The following DDX60 variants were observed in gnomAD, a reference collection of about 807,000 sequenced individuals.
DDX60 encodes probable ATP-dependent RNA helicase DDX60.
In DDX60, 165 loss-of-function variants were observed where a neutral mutation model predicts 212.8. The ratio of observed to expected loss-of-function variants is 0.78; its 90% CI spans 0.68 to 0.88. DDX60 has a LOEUF of 0.88. Among genes scored for constraint, DDX60 ranks in the 40% least tolerant of loss-of-function variants. The probability of loss-of-function intolerance (pLI) is 0.00; values close to 1 mark genes in which losing one functional copy is unlikely to be tolerated. For synonymous variants in DDX60, 703 were observed against 685.3 expected (o/e 1.03, Z -0.40); for missense variants, 1,905 against 2,003.9 (o/e 0.95, Z 0.94).
chr4:168,246,698 T>C (rs779431878), intron 29 of DDX60, 80 bp from the exon 30 acceptor site: 16 of 1,440,696 alleles, frequency 1.1e-5, no homozygotes, highest in Non-Finnish European at 1.5e-5. Flanking sequence ...CCCTTTACTC[T>C]GGTTTGGAGC....
At chr4:168,241,910 A>G (rs1733853405) in intron 30 of DDX60, among the ~76,000 whole-genome samples, 1 of 152,100 alleles carries the variant, frequency 6.6e-6, no homozygotes, top group Non-Finnish European at 1.5e-5. Flanking sequence ...CCAGAGATTT[A>G]GGAAAAAAAA....
chr4:168,256,294 A>G (rs1734411146), intron 25 of DDX60, among the ~76,000 whole-genome samples: 1 of 152,130 alleles, frequency 6.6e-6, no homozygotes, highest in South Asian at 2.1e-4. Flanking sequence ...AATGAGAAAA[A>G]AAAGATTAAT....
intron 33 of DDX60, among the ~76,000 whole-genome samples, chr4:168,227,830 A>T (rs1253163706): frequency 6.6e-6 from 1 of 152,018 alleles, no homozygotes; most frequent in African/African-American, 2.4e-5. Context: ...GTGTATTTAT[A>T]AATTAATTTT....
At chr4:168,304,920 C>G (rs1736810702) in intron 5 of DDX60, among the ~76,000 whole-genome samples, 1 of 152,122 alleles carries the variant, frequency 6.6e-6, no homozygotes, top group Non-Finnish European at 1.5e-5. Context: ...ATGTCCTAAG[C>G]CTTCACATTC....
At position 168,216,780 on chromosome 4, in the gene DDX60, CTGTT is replaced by C. The variant is rs1437485677; in HGVS notation, c.*149_*152del. The C allele has an allele frequency of 1.3e-5, 7 of 527,402 alleles. No homozygotes were observed. The highest frequency in any genetic ancestry group is 5.7e-5 in the South Asian group (2 of 35,380). The allele number at this position is 527,402 out of a possible 1,614,324, so 32.7% of individuals were successfully genotyped here. On this transcript the variant is annotated 3_prime_UTR_variant, in exon 38 of 38. Transcript: ENST00000393743. ...GAACATGGCAGGTTTGATTGCAACT[CTGTT>C]TGATTCCAAAGTGTTTGCTCTTTCC... is the stretch of plus-strand genomic sequence containing the variant.
chr4:168,260,558 G>A (rs1314554361), intron 25 of DDX60, among the ~76,000 whole-genome samples: 3 of 152,098 alleles, frequency 2.0e-5, no homozygotes, highest in African/African-American at 4.8e-5. Flanking sequence ...CACAAGGATC[G>A]AGGGGGATGG....
intron 19 of DDX60, 26 bp from the exon 20 acceptor site, chr4:168,268,995 C>T: frequency 8.1e-7 from 1 of 1,236,300 alleles, no homozygotes; most frequent in East Asian, 2.4e-5. Context: ...AAAAAAATCT[C>T]AACTGAAAAG....
the DDX60 span, among the ~76,000 whole-genome samples, chr4:168,324,381 G>T: frequency 6.6e-6 from 1 of 152,170 alleles, no homozygotes; most frequent in Admixed American, 6.5e-5. Context: ...GTGGTTCAGA[G>T]ACTTCATGAG....
rs1330484380 is a variant in DDX60, at chr4:168,275,450, A to G, written c.2199T>C (p.Ile733=). 9 of 1,611,556 alleles carry G rather than the reference A, an allele frequency of 5.6e-6. No homozygotes were observed. Among genetic ancestry groups the G allele is most frequent in the African/African-American group, 1.3e-5 (1 of 74,872 alleles). The change falls in exon 16 of 38, where the codon ATT becomes ATC. Residue 733 remains isoleucine (I), a synonymous_variant. Coordinates refer to ENST00000393743, the MANE Select transcript of DDX60 (RefSeq NM_017631.6). ...VKKRNKYSVG[I]GPARFQLQYM... The stretch of plus-strand genomic sequence containing the variant: ...ATTGCAGTTGGAACCGAGCTGGCCC[A>G]ATGCCAACTGAATATTTATTCCTTT...
At chr4:168,276,213 A>G in intron 14 of DDX60, 32 bp from the exon 15 acceptor site, 1 of 1,512,386 alleles carries the variant, frequency 6.6e-7, no homozygotes, top group Non-Finnish European at 9.0e-7. Context: ...AAATTGTTAT[A>G]AAGACCATCA....
Position 168,221,893 on chromosome 4 carries a change from C to A in DDX60, c.4825-12G>T, listed in dbSNP as rs749549878. The A allele has an allele frequency of 1.2e-6, 2 of 1,602,468 alleles. No homozygotes were observed. The highest frequency in any genetic ancestry group is 1.1e-5 in the South Asian group (1 of 89,638). On this transcript the variant is annotated splice_polypyrimidine_tract_variant and intron_variant, in intron 35 of 37. Coordinates refer to ENST00000393743, the MANE Select transcript of DDX60 (RefSeq NM_017631.6). ...GTGCCTAGAGTAACCTGAAAAAATA[C>A]GATTATTCTTAATGTATTATTTATG...
At chr4:168,308,607 C>T (rs1462767878) in intron 3 of DDX60, among the ~76,000 whole-genome samples, 1 of 151,004 alleles carries the variant, frequency 6.6e-6, no homozygotes, top group Non-Finnish European at 1.5e-5. Context: ...TCTAAAAGTG[C>T]TGTGTTGAAC....
intron 5 of DDX60, among the ~76,000 whole-genome samples, chr4:168,303,273 G>C (rs1216130701): frequency 6.7e-6 from 1 of 149,116 alleles, no homozygotes; most frequent in Non-Finnish European, 1.5e-5. Flanking sequence ...CTGCACTCCA[G>C]CCTGGGCGAC....
intron 35 of DDX60, among the ~76,000 whole-genome samples, chr4:168,222,501 C>T (rs1318695984): frequency 6.6e-6 from 1 of 151,828 alleles, no homozygotes; most frequent in Non-Finnish European, 1.5e-5. Flanking sequence ...TAAGAAAATT[C>T]ATACATAAAT....
At chr4:168,320,508 G>A (rs934554343), upstream of DDX60, among the ~76,000 whole-genome samples, 5 of 152,072 alleles carry the variant, frequency 3.3e-5, no homozygotes, top group African/African-American at 1.2e-4. Context: ...ATAACACCTT[G>A]ACTTCAGCCC....
chr4:168,262,244 A>C (rs1579013816), intron 23 of DDX60, 116 bp from the exon 24 acceptor site: 3 of 1,116,520 alleles, frequency 2.7e-6, no homozygotes, highest in Non-Finnish European at 3.7e-6. Flanking sequence ...AGATGGTTAA[A>C]CTTTTTATCT....
At chr4:168,303,712 G>A (rs572917101) in intron 5 of DDX60, among the ~76,000 whole-genome samples, 2 of 152,290 alleles carry the variant, frequency 1.3e-5, no homozygotes, top group South Asian at 4.1e-4. Context: ...GGCTGGGCGT[G>A]GTGGCTCACG....
At chr4:168,239,622 A>T (rs558369664) in intron 30 of DDX60, among the ~76,000 whole-genome samples, 1 of 152,264 alleles carries the variant, frequency 6.6e-6, no homozygotes, top group South Asian at 2.1e-4. Context: ...TGTTAGAGCA[A>T]AGAATTTAAT....
chr4:168,317,417 T>G (rs1737442474), intron 1 of DDX60, among the ~76,000 whole-genome samples: 1 of 141,236 alleles, frequency 7.1e-6, no homozygotes, highest in Non-Finnish European at 1.5e-5. Context: ...GGAAGAGAAA[T>G]GGAAAAGAGA....
Sources: allele counts gnomAD v4.1 joint callset (sites outside exome capture counted in the v4.1 genomes callset), GRCh38; gene constraint gnomAD v4.1.1; transcripts MANE v1.5; gene names NCBI Gene and HGNC (gene_info 2026-07-23, HGNC 2026-07-21).